Variants in VAC14 observed in about 807,000 individuals in gnomAD.
VAC14 encodes protein VAC14 homolog.
A neutral mutation model predicts 85.3 loss-of-function variants in VAC14; 47 were observed. That is an observed-to-expected ratio of 0.55 (90% CI 0.44 to 0.70). The LOEUF (loss-of-function observed/expected upper bound fraction) is 0.70, where lower values mean the gene tolerates loss of function less well. Among genes scored for constraint, VAC14 ranks in the 30% least tolerant of loss-of-function variants. The pLI, the probability that VAC14 is intolerant of heterozygous loss-of-function variation, is 0.00. For synonymous variants in VAC14, 447 were observed against 430.5 expected (o/e 1.04, Z -0.47); for missense variants, 861 against 1,004.3 (o/e 0.86, Z 1.93).
Position 70,745,518 on chromosome 16 carries a change from TGC to T in VAC14, c.1372-941_1372-940del, listed in dbSNP as rs370869532. Among the ~76,000 whole-genome samples, 416 of 141,092 alleles carry T rather than the reference TGC, an allele frequency of 2.9e-3. 2 individuals are homozygous for T. The highest frequency in any genetic ancestry group is 0.011 in the Middle Eastern group (3 of 278). 92.6% of individuals were successfully genotyped at this position (141,092 alleles called of 152,430 possible). A position where few individuals can be genotyped will look rare whatever the true frequency, so the allele number is the denominator to read the frequency against. On this transcript the variant is annotated intron_variant, in intron 12 of 18. Transcript: ENST00000261776. Reference sequence around the variant, plus strand: ...GTGTGTGTGTGTGTGTGTGTGTGTGTGCGCGTGTGCGCGCGTGTGCCTGTGTG... The same window carrying T: ...GTGTGTGTGTGTGTGTGTGTGTGTGTGCGTGTGCGCGCGTGTGCCTGTGTG...
chr16:70,740,404 G>A (rs937995580), intron 13 of VAC14, among the ~76,000 whole-genome samples: 7 of 152,190 alleles, frequency 4.6e-5, no homozygotes, highest in Non-Finnish European at 1.0e-4. Context: ...GATCCTAAAG[G>A]CTGATTGGGT....
At chr16:70,691,493 C>A in intron 18 of VAC14, 1 of 985,466 alleles carries the variant, frequency 1.0e-6, no homozygotes. Context: ...GAGCTGACAG[C>A]ACTCCGGCCC....
At chr16:70,784,963 C>T (rs891728165) in intron 3 of VAC14, 125 bp from the exon 4 acceptor site, 4 of 838,626 alleles carry the variant, frequency 4.8e-6, no homozygotes, top group East Asian at 2.4e-5. Flanking sequence ...GCAAGAACAT[C>T]ACCCTTTCGG....
chr16:70,778,225 ATCAAAC>A, intron 9 of VAC14, among the ~76,000 whole-genome samples: 1 of 152,308 alleles, frequency 6.6e-6, no homozygotes, highest in East Asian at 1.9e-4. Context: ...CTGGCCGGGA[ATCAAAC>A]CCGGGCCTCC....
chr16:70,759,853 T>C (rs1190492903), intron 12 of VAC14, among the ~76,000 whole-genome samples: 2 of 152,078 alleles, frequency 1.3e-5, no homozygotes, highest in Admixed American at 1.3e-4. Flanking sequence ...GAGGAAGCGA[T>C]TAAGGGCCCA....
At chr16:70,722,807 C>T (rs1398521801) in intron 14 of VAC14, among the ~76,000 whole-genome samples, 1 of 152,092 alleles carries the variant, frequency 6.6e-6, no homozygotes, top group Non-Finnish European at 1.5e-5. Context: ...TGACTGACTG[C>T]GGTAGCTCAT....
chr16:70,705,754 A>C (rs1010075852), intron 14 of VAC14, among the ~76,000 whole-genome samples: 7 of 152,172 alleles, frequency 4.6e-5, no homozygotes, highest in Non-Finnish European at 7.4e-5. Context: ...GACTCAGAAG[A>C]AGCCTCAGCT....
chr16:70,720,545 TTC>T (rs749536155), intron 14 of VAC14, among the ~76,000 whole-genome samples: 1 of 152,164 alleles, frequency 6.6e-6, no homozygotes, highest in Non-Finnish European at 1.5e-5. Flanking sequence ...CAAGGCACCT[TTC>T]TCTCTGAAGC....
intron 9 of VAC14, among the ~76,000 whole-genome samples, chr16:70,780,018 ATTTTT>A (rs368861697): frequency 8.9e-6 from 1 of 111,882 alleles, no homozygotes. Flanking sequence ...AATTTTTGTA[ATTTTT>A]TTTTTTTTTT....
Position 70,721,972 on chromosome 16 carries a change from G to A in VAC14, c.1661+9523C>T, listed in dbSNP as rs534254027. Among the ~76,000 whole-genome samples the A allele has an allele frequency of 2.6e-4, 39 of 152,246 alleles. No individual in the cohort carries two copies. The South Asian group carries it at 4.6e-3, about 18-fold the overall frequency. On this transcript the variant is annotated intron_variant, in intron 14 of 18. Transcript: ENST00000261776. ...CCGGTGGAGGGCACCTCAGCTCTGG[G>A]GTCTTTGGATGGCTATGCAGTACCC...
chr16:70,770,129 C>G (rs1486035877), intron 10 of VAC14: 1 of 152,500 alleles, frequency 6.6e-6, no homozygotes, highest in African/African-American at 2.4e-5. Flanking sequence ...ACACCTGCTC[C>G]TCCTTCCAGC....
At chr16:70,790,596 G>C (rs1375875688) in intron 1 of VAC14, among the ~76,000 whole-genome samples, 2 of 151,856 alleles carry the variant, frequency 1.3e-5, no homozygotes, top group African/African-American at 4.9e-5. Context: ...CTCTGATGTC[G>C]GAGTGACAGC....
chr16:70,753,611 G>A (rs2031583866), intron 12 of VAC14, among the ~76,000 whole-genome samples: 1 of 133,988 alleles, frequency 7.5e-6, no homozygotes, highest in Non-Finnish European at 1.5e-5. Flanking sequence ...GTCTGTATCT[G>A]TGCTCCCAGA....
In VAC14 at chr16:70,765,040, T is replaced by C. The variant is rs534101127; in HGVS notation, c.1161-2015A>G. 3.3e-5 allele frequency among the ~76,000 whole-genome samples: 5 copies of C among 152,296 alleles called. No individual in the cohort carries two copies. In the South Asian group the frequency reaches 8.3e-4, roughly 25 times the overall value. ...GCTCATGTCCTGGTGGTGGAAGAGA[T>C]GCCGCCCTACAGCCCAAGGCCTTAT... On this transcript the variant is annotated intron_variant, in intron 10 of 18. Coordinates refer to ENST00000261776, the MANE Select transcript of VAC14 (RefSeq NM_018052.5).
intron 12 of VAC14, among the ~76,000 whole-genome samples, chr16:70,757,001 T>C (rs1051415864): frequency 4.0e-5 from 6 of 151,446 alleles, no homozygotes; most frequent in Admixed American, 1.3e-4. Context: ...TCATTTCTTT[T>C]CTTTGCATCT....
intron 14 of VAC14, among the ~76,000 whole-genome samples, chr16:70,727,640 C>T (rs954335617): frequency 7.9e-5 from 12 of 152,208 alleles, no homozygotes; most frequent in Non-Finnish European, 1.6e-4. Flanking sequence ...ACCCAGCCAA[C>T]GATGCCCCTC....
chr16:70,689,230 G>C, intron 18 of VAC14: 1 of 984,336 alleles, frequency 1.0e-6, no homozygotes, highest in Non-Finnish European at 1.2e-6. Context: ...CTGCCAAGAT[G>C]CCTTGACACG....
At position 70,690,001 on chromosome 16, in the gene VAC14, C is replaced by A; in HGVS notation, c.2187-1911G>T. Reference sequence around the variant, plus strand: ...TGTGTCTTCTGATGCTGGGCACCCACAGGTCTGTGCGTTGCTCCCCATGAC... The same window carrying A: ...TGTGTCTTCTGATGCTGGGCACCCAAAGGTCTGTGCGTTGCTCCCCATGAC... On this transcript the variant is annotated intron_variant, in intron 18 of 18. Coordinates refer to ENST00000261776, the MANE Select transcript of VAC14 (RefSeq NM_018052.5). The A allele has an allele frequency of 5.1e-6, 5 of 985,448 alleles. No homozygotes were observed. In the South Asian group the frequency reaches 2.3e-4, roughly 46 times the overall value. 61.0% of individuals were successfully genotyped at this position (985,448 alleles called of 1,614,324 possible). A position where few individuals can be genotyped will look rare whatever the true frequency, so the allele number is the denominator to read the frequency against.
chr16:70,716,622 G>A (rs1318086041), intron 14 of VAC14: 1 of 152,278 alleles, frequency 6.6e-6, no homozygotes, highest in Non-Finnish European at 1.5e-5. Flanking sequence ...GAGACTCTCT[G>A]GGACTCTGAT....
Sources: allele counts gnomAD v4.1 joint callset (sites outside exome capture counted in the v4.1 genomes callset), GRCh38; gene constraint gnomAD v4.1.1; transcripts MANE v1.5; gene names NCBI Gene and HGNC (gene_info 2026-07-23, HGNC 2026-07-21).